SIGIRR: variants seen among roughly 807,000 people sequenced by gnomAD.
SIGIRR encodes the protein single Ig and TIR domain containing, also known as single Ig IL-1-related receptor.
SIGIRR carries 41 observed loss-of-function variants against 45.6 expected under a neutral mutation model. The ratio of observed to expected loss-of-function variants is 0.90; its 90% confidence interval spans 0.70 to 1.17. SIGIRR has a LOEUF of 1.17. SIGIRR is among the 50% of genes most tolerant of loss of function. SIGIRR has a pLI of 0.00. For synonymous variants in SIGIRR, 298 were observed against 239.0 expected, an observed-to-expected ratio of 1.25 and a Z score of -2.28; for missense variants, 599 against 539.6, an observed-to-expected ratio of 1.11 and a Z score of -1.09.
intron 6 of SIGIRR, 22 bp downstream of exon 6, chr11:407,403 C>T (rs1426377984): frequency 2.7e-6 from 4 of 1,476,898 alleles, no homozygotes; most frequent in Non-Finnish European, 2.7e-6. Context: ...GTGGGCGGGG[C>T]ACGGGGTGGG....
rs1166410301 is a variant in SIGIRR at position 407,109 on chromosome 11, C to T, written c.681G>A (p.Val227=). ...NLSRCRRLIV[V]LSDAFLSRAW... ...CCCGGCTCAGGAAGGCGTCCGAAAG[C>T]ACCACGATGAGGCGTCGGCAGCGGC... The change falls in exon 7 of 10, where the codon GTG becomes GTA. Residue 227 remains valine (V), a synonymous_variant. Coordinates refer to ENST00000431843, the MANE Select transcript of SIGIRR (RefSeq NM_001135054.2). 2.6e-6 allele frequency: 4 copies of T among 1,526,540 alleles called. No individual in the cohort carries two copies. Among genetic ancestry groups the T allele is most frequent in the Non-Finnish European group, 3.5e-6 (4 of 1,141,130 alleles). 94.6% of individuals were successfully genotyped at this position (1,526,540 alleles called of 1,614,324 possible). A position where few individuals can be genotyped will look rare whatever the true frequency, so the allele number is the denominator to read the frequency against.
intron 2 of SIGIRR, chr11:409,542 TTC>T: frequency 2.5e-6 from 1 of 395,574 alleles, no homozygotes; most frequent in South Asian, 8.1e-5. Context: ...AACCACCATC[TTC>T]TCAGTAGGGT....
In SIGIRR at chr11:406,933, G is replaced by C. The variant is rs753089850; in HGVS notation, c.789C>G (p.Gly263=). The change falls in exon 8 of 10, where the codon GGC becomes GGG. Residue 263 remains glycine (G), a synonymous_variant. Coordinates refer to ENST00000431843, the MANE Select transcript of SIGIRR (RefSeq NM_001135054.2). ...TRRPIFITFE[G]QRRDPAHPAL... Reference sequence around the variant, plus strand: ...CCGGGTGCGCGGGGTCGCGCCTCTGGCCCTCGAAGGTGATGAAGATGGGTC... The same window carrying C: ...CCGGGTGCGCGGGGTCGCGCCTCTGCCCCTCGAAGGTGATGAAGATGGGTC... The C allele has an allele frequency of 2.5e-6, 4 of 1,600,336 alleles. No homozygotes were observed. In the African/African-American group the frequency reaches 5.4e-5, roughly 21 times the overall value.
At chr11:406,664 C>T (rs896842605) in intron 8 of SIGIRR, 126 bp from the exon 9 acceptor site, 82 of 1,417,656 alleles carry the variant, frequency 5.8e-5, no homozygotes, top group Non-Finnish European at 7.5e-5. Context: ...TCCGTGGCTC[C>T]GGGGGCCTCA....
chr11:407,623 G>A (rs966208514), intron 5 of SIGIRR, 55 bp from the exon 6 acceptor site: 2 of 1,586,640 alleles, frequency 1.3e-6, no homozygotes, highest in Non-Finnish European at 1.7e-6. Flanking sequence ...ACCAGCCCTC[G>A]GGGTCCCCAA....
In SIGIRR at chr11:407,114, CGATGAGG is replaced by C; in HGVS notation, c.669_675del (p.Leu224TrpfsTer8). ...CTCAGGAAGGCGTCCGAAAGCACCACGATGAGGCGTCGGCAGCGGCTCAGGTTCACCA... is the reference window on the plus strand; with the variant it reads ...CTCAGGAAGGCGTCCGAAAGCACCACCGTCGGCAGCGGCTCAGGTTCACCA... On this transcript the variant is annotated frameshift_variant, in exon 7 of 10. Coordinates refer to ENST00000431843, the MANE Select transcript of SIGIRR (RefSeq NM_001135054.2). LOFTEE classifies it high-confidence loss of function. 6.5e-7 allele frequency: 1 copy of C among 1,543,308 alleles called. No individual in the cohort carries two copies. Among genetic ancestry groups the C allele is most frequent in the Admixed American group, 1.9e-5 (1 of 52,908 alleles).
In SIGIRR at chr11:409,967, TG is replaced by T; in HGVS notation, c.-94del. The T allele has an allele frequency of 1.6e-6, 2 of 1,253,402 alleles. No individual in the cohort carries two copies. The highest frequency in any genetic ancestry group is 2.0e-6 in the Non-Finnish European group (2 of 996,032). 77.6% of individuals were successfully genotyped at this position (1,253,402 alleles called of 1,614,324 possible). On this transcript the variant is annotated 5_prime_UTR_variant, in exon 2 of 10. Coordinates refer to ENST00000431843, the MANE Select transcript of SIGIRR (RefSeq NM_001135054.2). Reference sequence around the variant, plus strand: ...TCGGCCAGCAGACTGATCCAAGAGCTGGGCAGGACTCCTCTCTGTCCTTGCA... The same window carrying T: ...TCGGCCAGCAGACTGATCCAAGAGCTGGCAGGACTCCTCTCTGTCCTTGCA...
upstream of SIGIRR, among the ~76,000 whole-genome samples, chr11:416,749 T>C (rs560159713): frequency 2.0e-5 from 3 of 152,216 alleles, no homozygotes; most frequent in South Asian, 4.1e-4. The surrounding 1 kb of genome is among the most constrained non-coding windows in gnomAD (Gnocchi z 9.1). Context: ...CGAGGGGCTC[T>C]GGTTCGCTCC....
rs763664298 is a variant in SIGIRR, at chr11:414,952, G to A, written c.-283C>T. On this transcript the variant is annotated 5_prime_UTR_variant, in exon 1 of 10. Coordinates refer to ENST00000431843, the MANE Select transcript of SIGIRR (RefSeq NM_001135054.2). The stretch of plus-strand genomic sequence containing the variant: ...GGCTGCTATGGATGCATCGCCAAGC[G>A]CGGTGGGGACCTGGCTTGTGTCTTT... 9.8e-5 allele frequency: 85 copies of A among 868,164 alleles called. No individual in the cohort carries two copies. The highest frequency in any genetic ancestry group is 4.2e-4 in the South Asian group (8 of 18,984). The allele number at this position is 868,164 out of a possible 1,614,324, so 53.8% of individuals were successfully genotyped here. A position where few individuals can be genotyped will look rare whatever the true frequency, so the allele number is the denominator to read the frequency against.
Position 407,004 on chromosome 11 carries a change from G to T in SIGIRR, c.729-11C>A, listed in dbSNP as rs1483715401. 1.3e-6 allele frequency: 2 copies of T among 1,591,974 alleles called. No individual in the cohort carries two copies. Among genetic ancestry groups the T allele is most frequent in the Admixed American group, 3.4e-5 (2 of 58,494 alleles). On this transcript the variant is annotated splice_polypyrimidine_tract_variant and intron_variant, in intron 7 of 9. Coordinates refer to ENST00000431843, the MANE Select transcript of SIGIRR (RefSeq NM_001135054.2). ...CGGCACAGGCCCTCCCTGCGGGGCG[G>T]GACCGTCAGGGGGGTGGGTGCTACG...
In SIGIRR at chr11:406,479, G is replaced by C; in HGVS notation, c.939C>G (p.Tyr313Ter). 6.2e-7 allele frequency: 1 copy of C among 1,612,372 alleles called. No homozygotes were observed. Among genetic ancestry groups the C allele is most frequent in the Non-Finnish European group, 8.5e-7 (1 of 1,179,674 alleles). The change falls in exon 9 of 10, where the codon TAC (tyrosine) becomes TAG (stop). Residue 313 changes from tyrosine to a stop codon, truncating the protein, a stop_gained. Transcript: ENST00000431843. LOFTEE classifies it high-confidence loss of function. ...VQLALPRKVQ[Y>*]RPVEGDPQTQ... ...TCTGGGGGTCTCCTTCCACAGGCCTGTACTGCACCTTCCGCGGCAGCGCCA... is the reference window on the plus strand; with the variant it reads ...TCTGGGGGTCTCCTTCCACAGGCCTCTACTGCACCTTCCGCGGCAGCGCCA...
intron 5 of SIGIRR, 22 bp from the exon 6 acceptor site, chr11:407,590 C>T (rs748693999): frequency 1.2e-6 from 2 of 1,601,018 alleles, no homozygotes; most frequent in East Asian, 2.3e-5. Flanking sequence ...GGCCAGTCAC[C>T]CCGATGGCTC....
At position 407,906 on chromosome 11, in the gene SIGIRR, G is replaced by A. The variant is rs1847422886; in HGVS notation, c.392C>T (p.Ala131Val). The change falls in exon 5 of 10, where the codon GCC (alanine) becomes GTC (valine). Residue 131 changes from alanine (A) to valine (V), a missense_variant. By Grantham distance (64) the Ala-to-Val change is moderately conservative. Transcript: ENST00000431843. ...AVLASLLVLL[A>V]LLLAALLYVK... Reference sequence around the variant, plus strand: ...ATAGAGCAGGGCGGCCAGCAGCAGGGCCAGCAGGACCAGGAGGGAGGCCAG... The same window carrying A: ...ATAGAGCAGGGCGGCCAGCAGCAGGACCAGCAGGACCAGGAGGGAGGCCAG... The A allele has an allele frequency of 6.2e-7, 1 of 1,612,334 alleles. No homozygotes were observed. The highest frequency in any genetic ancestry group is 1.1e-5 in the South Asian group (1 of 91,042).
At chr11:407,191 C>A (rs1409907215) in intron 6 of SIGIRR, 27 bp from the exon 7 acceptor site, 6 of 456,840 alleles carry the variant, frequency 1.3e-5, no homozygotes, top group Non-Finnish European at 2.0e-5. Context: ...GTCGGCGGCG[C>A]AGGGGCGGGG....
rs746870004 is a variant in SIGIRR, at chr11:407,090, TC to T, written c.699del (p.Ser234AlafsTer50). On this transcript the variant is annotated frameshift_variant, in exon 7 of 10. Transcript: ENST00000431843. LOFTEE classifies it high-confidence loss of function. ...RLIVVLSDAF[L>X]SRAWCSHSFR... Reference sequence around the variant, plus strand: ...AAGCTGTGGCTGCACCAGGCCCGGCTCAGGAAGGCGTCCGAAAGCACCACGA... The same window carrying T: ...AAGCTGTGGCTGCACCAGGCCCGGCTAGGAAGGCGTCCGAAAGCACCACGA... 10 of 1,554,074 alleles carry T rather than the reference TC, an allele frequency of 6.4e-6. No individual in the cohort carries two copies. The Admixed American group carries it at 1.9e-4, about 29-fold the overall frequency.
At chr11:413,438 C>T (rs1847760777) in intron 1 of SIGIRR, among the ~76,000 whole-genome samples, 1 of 151,932 alleles carries the variant, frequency 6.6e-6, no homozygotes, top group South Asian at 2.1e-4. Flanking sequence ...GAAACCAACC[C>T]CTCACAGCAA....
Position 406,495 on chromosome 11 carries a change from G to T in SIGIRR, c.923C>A (p.Pro308Gln). ...CACAGGCCTGTACTGCACCTTCCGCGGCAGCGCCAGCTGCACTTCTTTCCA... is the reference window on the plus strand; with the variant it reads ...CACAGGCCTGTACTGCACCTTCCGCTGCAGCGCCAGCTGCACTTCTTTCCA... ...DFWKEVQLALPRKVQYRPVEG... is the reference protein window; with the variant it reads ...DFWKEVQLALQRKVQYRPVEG... The change falls in exon 9 of 10, where the codon CCG becomes CAG. Residue 308 changes from proline (P) to glutamine (Q), a missense_variant. Physicochemically the swap from Pro to Gln is moderately conservative, Grantham distance 76 (BLOSUM62 -1). Transcript: ENST00000431843. 1 of 1,611,616 alleles carries T rather than the reference G, an allele frequency of 6.2e-7. No homozygotes were observed. Among genetic ancestry groups the T allele is most frequent in the Admixed American group, 1.7e-5 (1 of 59,970 alleles).
chr11:415,596 C>G (rs1017747013), upstream of SIGIRR, among the ~76,000 whole-genome samples: 1 of 152,306 alleles, frequency 6.6e-6, no homozygotes. The surrounding 1 kb of genome is among the most constrained non-coding windows in gnomAD (Gnocchi z 6.6). Context: ...GCCCTCTCCC[C>G]GTCCCTCTCC....
chr11:405,903 T>A lies in SIGIRR; in HGVS notation c.1226A>T (p.Asp409Val). The change falls in exon 10 of 10, where the codon GAT becomes GTT. Residue 409 changes from aspartate to valine, a missense_variant. Physicochemically the swap from Asp to Val is radical, Grantham distance 152. Coordinates refer to ENST00000431843, the MANE Select transcript of SIGIRR (RefSeq NM_001135054.2). ...TGCACTCTGGGGTGGGAGCTACATA[T>A]CATCCTTGGACACCAGGCAGTAGAA... The part of the protein sequence containing the change: ...TDFYCLVSKD[D>V]M The A allele has an allele frequency of 6.3e-7, 1 of 1,597,178 alleles. No individual in the cohort carries two copies. Among genetic ancestry groups the A allele is most frequent in the South Asian group, 1.1e-5 (1 of 90,002 alleles).
Sources: gnomAD v4.1 joint callset for allele counts (sites outside exome capture counted in the v4.1 genomes callset) on GRCh38, gnomAD v4.1.1 for gene constraint, Gnocchi (gnomAD v3.1) non-coding constraint, MANE v1.5 for transcripts, NCBI Gene and HGNC (gene_info 2026-07-23, HGNC 2026-07-21) for gene names.